Variants in DENR observed in about 807,000 individuals in gnomAD.
The protein encoded by DENR is density regulated re-initiation and release factor.
Under a neutral mutation model 30.6 loss-of-function variants are expected in DENR, and 6 were observed. That is an observed-to-expected ratio of 0.20 (90% CI 0.11 to 0.39). The LOEUF is 0.39. DENR is among the 10% of genes least tolerant of loss of function. DENR has a pLI of 1.00. For synonymous variants in DENR, 78 were observed against 72.1 expected (o/e 1.08, Z -0.41); for missense variants, 141 against 230.9 (o/e 0.61, Z 2.52).
intron 2 of DENR, chr12:122,754,061 G>A: frequency 2.0e-6 from 1 of 504,274 alleles, no homozygotes; most frequent in South Asian, 2.1e-5. Context: ...ATTTCAGCCT[G>A]AAGGTCCTCA....
At chr12:122,758,852 T>C (rs1366414027) in intron 2 of DENR, among the ~76,000 whole-genome samples, 2 of 39,864 alleles carry the variant, frequency 5.0e-5, no homozygotes, top group East Asian at 5.3e-4. Flanking sequence ...TTTTATTTAT[T>C]TATTTTTTTT....
intron 5 of DENR, among the ~76,000 whole-genome samples, chr12:122,766,422 A>ACTTCT (rs1195676590): frequency 6.6e-6 from 1 of 152,130 alleles, no homozygotes; most frequent in Non-Finnish European, 1.5e-5. Context: ...AGGCCCACTT[A>ACTTCT]CTTCTCATTC....
intron 5 of DENR, among the ~76,000 whole-genome samples, chr12:122,765,801 T>C (rs1401706902): frequency 6.6e-6 from 1 of 152,140 alleles, no homozygotes; most frequent in Non-Finnish European, 1.5e-5. Context: ...TGTTTGTATG[T>C]AAAAAACAGC....
Position 122,765,193 on chromosome 12 carries a change from C to T in DENR, c.212-111C>T, listed in dbSNP as rs529259536. On this transcript the variant is annotated intron_variant, in intron 4 of 7. Coordinates refer to ENST00000280557, the MANE Select transcript of DENR (RefSeq NM_003677.5). ...TCCATTGCTTTACAAATTTCATGCT[C>T]AGCTGTTGGTAAGATGCCTTATTTG... The T allele has an allele frequency of 3.0e-5, 23 of 755,692 alleles. No individual in the cohort carries two copies. The South Asian group carries it at 3.9e-4, about 13-fold the overall frequency. The allele number at this position is 755,692 out of a possible 1,614,324, so 46.8% of individuals were successfully genotyped here.
intron 6 of DENR, 117 bp from the exon 7 acceptor site, chr12:122,768,665 A>G: frequency 2.2e-6 from 2 of 924,760 alleles, no homozygotes; most frequent in Non-Finnish European, 3.2e-6. Context: ...AAAGGAATAT[A>G]AAACCCATTA....
chr12:122,770,523 T>G lies in DENR; in HGVS notation c.*1445T>G. 2.5e-6 allele frequency: 1 copy of G among 397,716 alleles called. No homozygotes were observed. The highest frequency in any genetic ancestry group is 4.4e-6 in the Non-Finnish European group (1 of 225,758). 24.6% of individuals were successfully genotyped at this position (397,716 alleles called of 1,614,324 possible). On this transcript the variant is annotated 3_prime_UTR_variant, in exon 8 of 8. Coordinates refer to ENST00000280557, the MANE Select transcript of DENR (RefSeq NM_003677.5). ...AATTGTGCTAACCAGTTAAAAGTAC[T>G]GTACACCCATGCTCAATATATAGTC...
At chr12:122,760,679 C>T (rs757646500) in intron 2 of DENR, among the ~76,000 whole-genome samples, 6 of 152,064 alleles carry the variant, frequency 3.9e-5, no homozygotes, top group Non-Finnish European at 8.8e-5. Flanking sequence ...TGCAGTGAGC[C>T]GAGATAGTGC....
In DENR at chr12:122,753,669, G is replaced by A. The variant is rs745840391; in HGVS notation, c.-9-24G>A. The A allele has an allele frequency of 2.6e-6, 4 of 1,553,120 alleles. No homozygotes were observed. The South Asian group carries it at 4.5e-5, about 17-fold the overall frequency. ...GGGTCTTGATTCTAAAATAGTGAGGGTGTGTTATTTTCCTTGCTTACAGGT... is the reference window on the plus strand; with the variant it reads ...GGGTCTTGATTCTAAAATAGTGAGGATGTGTTATTTTCCTTGCTTACAGGT... On this transcript the variant is annotated intron_variant, in intron 1 of 7. Transcript: ENST00000280557.
At chr12:122,760,071 G>A (rs1274060397) in intron 2 of DENR, among the ~76,000 whole-genome samples, 1 of 152,136 alleles carries the variant, frequency 6.6e-6, no homozygotes, top group East Asian at 1.9e-4. Context: ...ATGTTAGTAG[G>A]GTGAGGTGAA....
At chr12:122,760,422 A>G (rs1878665620) in intron 2 of DENR, among the ~76,000 whole-genome samples, 2 of 152,252 alleles carry the variant, frequency 1.3e-5, no homozygotes, top group East Asian at 1.9e-4. Flanking sequence ...GAACTACTCC[A>G]TTCTAAACCT....
chr12:122,766,224 C>T (rs1047450701), intron 5 of DENR, among the ~76,000 whole-genome samples: 7 of 152,102 alleles, frequency 4.6e-5, no homozygotes, highest in Admixed American at 2.0e-4. Flanking sequence ...GCAGCTCTTC[C>T]GATAAGGGTC....
At chr12:122,754,055 C>T (rs1878484549) in intron 2 of DENR, 1 of 516,746 alleles carries the variant, frequency 1.9e-6, no homozygotes, top group South Asian at 2.0e-5. Context: ...TAGGTTATTT[C>T]AGCCTGAAGG....
intron 5 of DENR, among the ~76,000 whole-genome samples, chr12:122,766,572 C>T (rs1402664688): frequency 6.6e-6 from 1 of 152,200 alleles, no homozygotes; most frequent in Non-Finnish European, 1.5e-5. Context: ...GCACCTCAAA[C>T]ACTGCACTTT....
At position 122,770,633 on chromosome 12, in the gene DENR, AG is replaced by A. The variant is rs1237607715; in HGVS notation, c.*1557del. 2.5e-6 allele frequency: 1 copy of A among 398,440 alleles called. No individual in the cohort carries two copies. Among genetic ancestry groups the A allele is most frequent in the Non-Finnish European group, 4.4e-6 (1 of 226,046 alleles). 24.7% of individuals were successfully genotyped at this position (398,440 alleles called of 1,614,324 possible). A position where few individuals can be genotyped will look rare whatever the true frequency, so the allele number is the denominator to read the frequency against. ...ATTTGATGAATTTAAACTTTAAGTC[AG>A]GTGCTGCAAATTGGAAAGAAGACTT... On this transcript the variant is annotated 3_prime_UTR_variant, in exon 8 of 8. Transcript: ENST00000280557.
At chr12:122,759,346 A>G (rs1878635702) in intron 2 of DENR, among the ~76,000 whole-genome samples, 1 of 152,330 alleles carries the variant, frequency 6.6e-6, no homozygotes, top group South Asian at 2.1e-4. Flanking sequence ...TGATCTGTAA[A>G]GAGAAATTGA....
intron 2 of DENR, chr12:122,754,171 C>G (rs1389835204): frequency 2.1e-5 from 6 of 286,158 alleles, no homozygotes; most frequent in Non-Finnish European, 4.2e-5. Flanking sequence ...GCGTCCCAGA[C>G]AAAGCGCACG....
At chr12:122,764,738 G>A (rs1435415335) in intron 4 of DENR, among the ~76,000 whole-genome samples, 1 of 152,164 alleles carries the variant, frequency 6.6e-6, no homozygotes, top group Non-Finnish European at 1.5e-5. Context: ...AGCCTGGTCT[G>A]GGAACAGGCC....
At chr12:122,754,067 C>G (rs1461449592) in intron 2 of DENR, 2 of 489,992 alleles carry the variant, frequency 4.1e-6, no homozygotes, top group Non-Finnish European at 7.5e-6. Flanking sequence ...GCCTGAAGGT[C>G]CTCAAGGTGT....
Position 122,757,273 on chromosome 12 carries a change from AC to A in DENR, c.106+3467del, listed in dbSNP as rs1262316796. ...AGCAGCTCAAATTCATTTAGGAAAC[AC>A]GTTTTAAGCATCTGCTCTGTGGCAA... On this transcript the variant is annotated intron_variant, in intron 2 of 7. Coordinates refer to ENST00000280557, the MANE Select transcript of DENR (RefSeq NM_003677.5). Among the ~76,000 whole-genome samples the A allele has an allele frequency of 2.0e-5, 3 of 152,328 alleles. No homozygotes were observed. The East Asian group carries it at 5.8e-4, about 29-fold the overall frequency.
Sources: gnomAD v4.1 joint callset for allele counts (sites outside exome capture counted in the v4.1 genomes callset) on GRCh38, gnomAD v4.1.1 for gene constraint, MANE v1.5 for transcripts, NCBI Gene and HGNC (gene_info 2026-07-23, HGNC 2026-07-21) for gene names.